The following OR3A2 variants were observed in gnomAD, a reference collection of about 807,000 sequenced individuals.
The protein encoded by OR3A2 is olfactory receptor 3A2.
For synonymous variants in OR3A2, 126 were observed against 159.3 expected (o/e 0.79, Z 1.57); for missense variants, 318 against 392.8 (o/e 0.81, Z 1.61).
At chr17:3,305,208 T>C (rs750332407) in intron 3 of OR3A2, among the ~76,000 whole-genome samples, 6 of 152,236 alleles carry the variant, frequency 3.9e-5, no homozygotes, top group Non-Finnish European at 7.3e-5. Context: ...GGGGGACATG[T>C]ACTGATGTCT....
chr17:3,350,346 G>A (rs1266924931), intron 2 of OR3A2, among the ~76,000 whole-genome samples: 3 of 149,138 alleles, frequency 2.0e-5, no homozygotes, highest in Admixed American at 6.7e-5. Flanking sequence ...AATGATAAAG[G>A]GGATATCACC....
At chr17:3,299,786 C>G (rs1371118338) in intron 3 of OR3A2, among the ~76,000 whole-genome samples, 1 of 152,224 alleles carries the variant, frequency 6.6e-6, no homozygotes, top group Non-Finnish European at 1.5e-5. Context: ...CTCAGCAACT[C>G]TGGCCTTCCA....
intron 3 of OR3A2, among the ~76,000 whole-genome samples, chr17:3,299,592 C>T (rs532417203): frequency 6.6e-6 from 1 of 152,276 alleles, no homozygotes; most frequent in South Asian, 2.1e-4. Flanking sequence ...CCGAGCCCTC[C>T]CTCAATGTCC....
intron 2 of OR3A2, among the ~76,000 whole-genome samples, chr17:3,345,076 T>A (rs2049351020): frequency 6.6e-6 from 1 of 152,090 alleles, no homozygotes; most frequent in Non-Finnish European, 1.5e-5. Flanking sequence ...CAGGGGAAGA[T>A]AAGATCCAGA....
exon 2 of OR3A2, chr17:3,278,818 G>A (rs898094880): frequency 6.5e-7 from 1 of 1,537,708 alleles, no homozygotes; most frequent in Non-Finnish European, 8.8e-7. Flanking sequence ...GCAAAGAGGA[G>A]GAGCACAAAG....
Position 3,311,574 on chromosome 17 carries a change from C to G in OR3A2, c.-85+24459G>C. Reference sequence around the variant, plus strand: ...TCCAGCTCTCTTGCTCCAGCATCCACCTCAATGGGCAGCTGCTGCTTGTGG... The same window carrying G: ...TCCAGCTCTCTTGCTCCAGCATCCAGCTCAATGGGCAGCTGCTGCTTGTGG... On this transcript the variant is annotated intron_variant, in intron 3 of 4. Transcript: ENST00000573491. This position sits in a 1 kb window ranked among gnomAD's most constrained non-coding sequence, Gnocchi z 4.6. The G allele has an allele frequency of 2.4e-6, 1 of 413,960 alleles. No homozygotes were observed. The allele number at this position is 413,960 out of a possible 1,614,324, so 25.6% of individuals were successfully genotyped here.
At chr17:3,309,641 C>T (rs1597331541) in intron 3 of OR3A2, among the ~76,000 whole-genome samples, 1 of 152,162 alleles carries the variant, frequency 6.6e-6, no homozygotes, top group South Asian at 2.1e-4. Context: ...AATATTACTA[C>T]TTGGAAAATC....
At chr17:3,305,026 G>T (rs953276038) in intron 3 of OR3A2, among the ~76,000 whole-genome samples, 2 of 152,154 alleles carry the variant, frequency 1.3e-5, no homozygotes, top group Non-Finnish European at 2.9e-5. Flanking sequence ...AAAGGTACGG[G>T]GTAACATTTT....
At chr17:3,339,972 G>T (rs989714038) in intron 2 of OR3A2, among the ~76,000 whole-genome samples, 3 of 152,140 alleles carry the variant, frequency 2.0e-5, no homozygotes, top group African/African-American at 7.2e-5. Flanking sequence ...TCTATTCAGA[G>T]ATTCAACTTC....
intron 3 of OR3A2, among the ~76,000 whole-genome samples, chr17:3,308,064 G>C (rs1392211445): frequency 2.6e-5 from 4 of 152,174 alleles, no homozygotes; most frequent in African/African-American, 9.7e-5. Context: ...AAATATTTTT[G>C]TTAAATAAAT....
chr17:3,372,669 C>T (rs1199096978), intron 2 of OR3A2, among the ~76,000 whole-genome samples: 7 of 152,088 alleles, frequency 4.6e-5, no homozygotes, highest in Admixed American at 6.5e-5. Context: ...CAAAAAAATA[C>T]GAAAACCAGT....
intron 2 of OR3A2, among the ~76,000 whole-genome samples, chr17:3,353,259 A>T (rs868391530): frequency 6.6e-6 from 1 of 151,838 alleles, no homozygotes; most frequent in Middle Eastern, 3.4e-3. Flanking sequence ...AATAGTTCTA[A>T]TTGGTAGAGT....
upstream of OR3A2, among the ~76,000 whole-genome samples, chr17:3,286,271 T>A (rs1404580036): frequency 6.6e-6 from 1 of 152,218 alleles, no homozygotes; most frequent in Non-Finnish European, 1.5e-5. Context: ...CTGCATAGTA[T>A]TCCATGGTAT....
chr17:3,333,129 CT>C (rs1251574624), intron 3 of OR3A2, among the ~76,000 whole-genome samples: 1 of 152,134 alleles, frequency 6.6e-6, no homozygotes, highest in East Asian at 1.9e-4. Flanking sequence ...TATTAAGACC[CT>C]AGCAAAATAA....
chr17:3,309,157 C>T (rs7219231), intron 3 of OR3A2, among the ~76,000 whole-genome samples: 25,210 of 152,000 alleles, frequency 0.17, 2,969 homozygotes, highest in African/African-American at 0.33. Context: ...CCACCCACCG[C>T]GGCCTCCCAA....
At chr17:3,370,870 C>T (rs1272482492) in intron 2 of OR3A2, among the ~76,000 whole-genome samples, 1 of 152,058 alleles carries the variant, frequency 6.6e-6, no homozygotes, top group Non-Finnish European at 1.5e-5. Flanking sequence ...TAACAAAGCA[C>T]ATCTTGCACT....
rs761033916 is a variant in OR3A2, at chr17:3,311,153, C to A, written c.-85+24880G>T. 5 of 539,528 alleles carry A rather than the reference C, an allele frequency of 9.3e-6. No homozygotes were observed. The highest frequency in any genetic ancestry group is 1.9e-5 in the Non-Finnish European group (5 of 263,366). The allele number at this position is 539,528 out of a possible 1,614,324, so 33.4% of individuals were successfully genotyped here. The stretch of plus-strand genomic sequence containing the variant: ...AGGACAAGGGCATTGGCATCCTCAA[C>A]ACTGTCATCAGCCCCATGCTGAACC... On this transcript the variant is annotated intron_variant, in intron 3 of 4. Transcript: ENST00000573491. The surrounding 1 kb of genome is among the most constrained non-coding windows in gnomAD (Gnocchi z 4.6).
At chr17:3,384,270 C>CAT (rs2150670636) in intron 1 of OR3A2, among the ~76,000 whole-genome samples, 1 of 152,280 alleles carries the variant, frequency 6.6e-6, no homozygotes, top group South Asian at 2.1e-4. Context: ...AAAATGAGTA[C>CAT]ATTGTTTCTG....
At chr17:3,301,256 G>C (rs1345210862) in intron 3 of OR3A2, among the ~76,000 whole-genome samples, 1 of 152,168 alleles carries the variant, frequency 6.6e-6, no homozygotes, top group Non-Finnish European at 1.5e-5. Flanking sequence ...AGTTCCGTGA[G>C]GAATCGCCAC....
Sources: gnomAD v4.1 joint callset for allele counts (sites outside exome capture counted in the v4.1 genomes callset) on GRCh38, gnomAD v4.1.1 for gene constraint, Gnocchi (gnomAD v3.1) non-coding constraint, MANE v1.5 for transcripts, NCBI Gene and HGNC (gene_info 2026-07-23, HGNC 2026-07-21) for gene names.